Variants in CNN2 observed in about 807,000 individuals in gnomAD.
CNN2 encodes calponin 2.
Under a neutral mutation model 31.0 loss-of-function variants are expected in CNN2, and 21 were observed. The observed-to-expected ratio is 0.68, with a 90% confidence interval of 0.48 to 0.98. The LOEUF (loss-of-function observed/expected upper bound fraction) is 0.98, where lower values mean the gene tolerates loss of function less well. CNN2 is among the 50% of genes least tolerant of loss of function. CNN2 has a pLI of 0.00. For missense variants in CNN2, 399 were observed against 427.3 expected (o/e 0.93, Z 0.58); for synonymous variants, 165 against 179.6 (o/e 0.92, Z 0.65).
Position 1,038,042 on chromosome 19 carries a change from G to C in CNN2, c.*142G>C. The C allele has an allele frequency of 1.2e-6, 1 of 865,356 alleles. No homozygotes were observed. The allele number at this position is 865,356 out of a possible 1,614,324, so 53.6% of individuals were successfully genotyped here. A position where few individuals can be genotyped will look rare whatever the true frequency, so the allele number is the denominator to read the frequency against. ...GTCTGTGAGTGTCAGCGTGGGATCA[G>C]GCAGCAGAGCTTTTTTCCCCTTTGC... is the stretch of plus-strand genomic sequence containing the variant. On this transcript the variant is annotated 3_prime_UTR_variant, in exon 7 of 7. Coordinates refer to ENST00000263097, the MANE Select transcript of CNN2 (RefSeq NM_004368.4).
In CNN2 at chr19:1,036,139, A is replaced by G. The variant is rs769075895; in HGVS notation, c.400A>G (p.Lys134Glu). Reference sequence around the variant, plus strand: ...CCTTTCCCTCACCCAGGCCAAGACTAAGGGGCTGCAGAGCGGGGTGGACAT... The same window carrying G: ...CCTTTCCCTCACCCAGGCCAAGACTGAGGGGCTGCAGAGCGGGGTGGACAT... ...LLALAGKAKTKGLQSGVDIGV... is the reference protein window; with the variant it reads ...LLALAGKAKTEGLQSGVDIGV... Residue 134 changes from lysine (K) to glutamate (E), a missense_variant, in exon 5 of 7, where the codon AAG (lysine) becomes GAG (glutamate). By Grantham distance (56) the Lys-to-Glu change is moderately conservative. Coordinates refer to ENST00000263097, the MANE Select transcript of CNN2 (RefSeq NM_004368.4). 6.2e-7 allele frequency: 1 copy of G among 1,610,862 alleles called. No homozygotes were observed. Among genetic ancestry groups the G allele is most frequent in the Non-Finnish European group, 8.5e-7 (1 of 1,178,350 alleles).
intron 1 of CNN2, 119 bp downstream of exon 1, chr19:1,026,843 G>C: frequency 1.0e-6 from 1 of 988,148 alleles, no homozygotes. Context: ...ACCCGGGGCG[G>C]ACGGGCCCTT....
chr19:1,028,901 G>A (rs2039443685), intron 1 of CNN2, among the ~76,000 whole-genome samples: 2 of 152,364 alleles, frequency 1.3e-5, no homozygotes, highest in South Asian at 4.1e-4. Context: ...TGGGCTGTGA[G>A]CTGGTACTGG....
Position 1,038,251 on chromosome 19 carries a change from G to T in CNN2, c.*351G>T. 1 of 251,814 alleles carries T rather than the reference G, an allele frequency of 4.0e-6. No homozygotes were observed. The allele number at this position is 251,814 out of a possible 1,614,324, so 15.6% of individuals were successfully genotyped here. On this transcript the variant is annotated 3_prime_UTR_variant, in exon 7 of 7. Coordinates refer to ENST00000263097, the MANE Select transcript of CNN2 (RefSeq NM_004368.4). ...GCCTCGCCTCTTCCCCCTTTTGTCA[G>T]CTGAGCAGTTTGTGGTTTCTATGCC...
At chr19:1,032,360 C>G in intron 2 of CNN2, 32 bp from the exon 3 acceptor site, 1 of 1,612,198 alleles carries the variant, frequency 6.2e-7, no homozygotes, top group East Asian at 2.2e-5. Context: ...ACAGAGGTTT[C>G]TGTTTCCCCC....
At chr19:1,037,038 A>G (rs1370801375) in intron 6 of CNN2, 1 of 230,240 alleles carries the variant, frequency 4.3e-6, no homozygotes, top group East Asian at 1.3e-4. Flanking sequence ...TTGTATTTTT[A>G]GTAGACATGG....
intron 2 of CNN2, among the ~76,000 whole-genome samples, chr19:1,031,641 G>C (rs1442192116): frequency 6.9e-6 from 1 of 145,718 alleles, no homozygotes; most frequent in Non-Finnish European, 1.5e-5. Context: ...TTGAGGTGGA[G>C]TCTCACTCTG....
At chr19:1,036,697 T>TC in intron 6 of CNN2, 135 bp downstream of exon 6, 1 of 1,056,390 alleles carries the variant, frequency 9.5e-7, no homozygotes, top group Non-Finnish European at 1.4e-6. Flanking sequence ...ACCTCCGGCT[T>TC]CCCTCCCCGC....
intron 1 of CNN2, among the ~76,000 whole-genome samples, chr19:1,027,664 A>T (rs2039420460): frequency 6.6e-6 from 1 of 152,020 alleles, no homozygotes; most frequent in East Asian, 1.9e-4. Flanking sequence ...GTGATGCGAG[A>T]CCCACGGACA....
chr19:1,036,562 G>T lies in CNN2; in HGVS notation c.654G>T (p.Gln218His). Residue 218 changes from glutamine to histidine, a missense_variant and splice_region_variant, in exon 6 of 7, where the codon CAG becomes CAT. Coordinates refer to ENST00000263097, the MANE Select transcript of CNN2 (RefSeq NM_004368.4). ...TGGGCACGAACAAGTGTGCCAGCCA[G>T]GTGGGGCTCGCCCGGGTGCCCCCGA... is the stretch of plus-strand genomic sequence containing the variant. ...LQMGTNKCAS[Q>H]VGMTAPGTRR... The T allele has an allele frequency of 4.3e-6, 7 of 1,613,800 alleles. No individual in the cohort carries two copies. The highest frequency in any genetic ancestry group is 5.9e-6 in the Non-Finnish European group (7 of 1,179,960).
rs368119083 is a variant in CNN2, at chr19:1,031,203, G to A, written c.185+11G>A. On this transcript the variant is annotated intron_variant, in intron 2 of 6. Coordinates refer to ENST00000263097, the MANE Select transcript of CNN2 (RefSeq NM_004368.4). The stretch of plus-strand genomic sequence containing the variant: ...AACTATCTTATGCACGTGAGTACAC[G>A]CAGGGACACAGGCTGTCTCACACTT... 2.6e-5 allele frequency: 41 copies of A among 1,596,252 alleles called. No individual in the cohort carries two copies. In the African/African-American group the frequency reaches 4.3e-4, roughly 17 times the overall value.
At position 1,038,561 on chromosome 19, in the gene CNN2, C is replaced by T. The variant is rs1444843988; in HGVS notation, c.*661C>T. On this transcript the variant is annotated 3_prime_UTR_variant, in exon 7 of 7. Coordinates refer to ENST00000263097, the MANE Select transcript of CNN2 (RefSeq NM_004368.4). ...TAAGCCTGACCCCCTCTCCATGCTC[C>T]CCGCCCCAACCCACTCTGGCCTCAG... 10 of 152,252 alleles carry T rather than the reference C, an allele frequency of 6.6e-5. No homozygotes were observed. The highest frequency in any genetic ancestry group is 1.4e-4 in the African/African-American group (6 of 41,420). The allele number at this position is 152,252 out of a possible 1,614,324, so 9.4% of individuals were successfully genotyped here. A position where few individuals can be genotyped will look rare whatever the true frequency, so the allele number is the denominator to read the frequency against.
At chr19:1,031,336 GGTGGC>G in intron 2 of CNN2, 144 bp downstream of exon 2, 2 of 345,594 alleles carry the variant, frequency 5.8e-6, no homozygotes, top group South Asian at 3.7e-5. Flanking sequence ...GGCCGAGGGT[GGTGGC>G]GGGGGGCGGT....
At chr19:1,033,429 G>GT (rs2039532054) in intron 4 of CNN2, among the ~76,000 whole-genome samples, 1 of 152,110 alleles carries the variant, frequency 6.6e-6, no homozygotes, top group Non-Finnish European at 1.5e-5. Flanking sequence ...GAGCCCAGGA[G>GT]TTAAGAGGTT....
chr19:1,028,172 A>G (rs1335240082), intron 1 of CNN2, among the ~76,000 whole-genome samples: 1 of 144,302 alleles, frequency 6.9e-6, no homozygotes, highest in Non-Finnish European at 1.5e-5. Context: ...CACAAGTGAC[A>G]GGGCCAAGAC....
At chr19:1,029,631 T>C (rs2039455622) in intron 1 of CNN2, among the ~76,000 whole-genome samples, 1 of 151,968 alleles carries the variant, frequency 6.6e-6, no homozygotes, top group East Asian at 1.9e-4. Flanking sequence ...AGTGGGGAGC[T>C]GTCCGCGGGA....
chr19:1,031,049 C>T (rs760928822), intron 1 of CNN2, 22 bp from the exon 2 acceptor site: 6 of 1,608,034 alleles, frequency 3.7e-6, no homozygotes, highest in Non-Finnish European at 5.1e-6. Context: ...CCAGCTCAGT[C>T]TCGTGCCCTT....
chr19:1,029,193 T>C (rs1176586466), intron 1 of CNN2, among the ~76,000 whole-genome samples: 6 of 89,130 alleles, frequency 6.7e-5, no homozygotes, highest in East Asian at 2.4e-4. Flanking sequence ...CCCAAATCAT[T>C]CCAGGCAGAT....
At chr19:1,036,040 G>T in intron 4 of CNN2, 90 bp from the exon 5 acceptor site, 4 of 1,467,692 alleles carry the variant, frequency 2.7e-6, no homozygotes, top group Non-Finnish European at 3.6e-6. Flanking sequence ...GTGACAGGCC[G>T]CGGCCTGGTC....
Sources: gnomAD v4.1 joint callset for allele counts (sites outside exome capture counted in the v4.1 genomes callset) on GRCh38, gnomAD v4.1.1 for gene constraint, MANE v1.5 for transcripts, NCBI Gene and HGNC (gene_info 2026-07-23, HGNC 2026-07-21) for gene names.